SSBP2: variants seen among roughly 807,000 people sequenced by gnomAD.
SSBP2 encodes the protein single stranded DNA binding protein 2, also known as single-stranded DNA-binding protein 2.
Under a neutral mutation model 61.8 loss-of-function variants are expected in SSBP2, and 17 were observed. The ratio of observed to expected loss-of-function variants is 0.28; its 90% CI spans 0.19 to 0.41. The LOEUF is 0.41. Ranked by LOEUF, SSBP2 falls within the 10% of genes least tolerant of loss-of-function variation. The pLI, the probability that SSBP2 is intolerant of heterozygous loss-of-function variation, is 1.00. For synonymous variants in SSBP2, 139 were observed against 141.3 expected (o/e 0.98, Z 0.12); for missense variants, 310 against 458.7 (o/e 0.68, Z 2.96).
At chr5:81,736,108 T>G (rs1756589299) in intron 1 of SSBP2, among the ~76,000 whole-genome samples, 1 of 151,530 alleles carries the variant, frequency 6.6e-6, no homozygotes, top group African/African-American at 2.4e-5. Context: ...TTCTGTAGCC[T>G]CTACCACTTT....
intron 4 of SSBP2, among the ~76,000 whole-genome samples, chr5:81,537,871 A>G (rs553940145): frequency 6.6e-6 from 1 of 152,280 alleles, no homozygotes; most frequent in East Asian, 1.9e-4. Context: ...TATTGAAATT[A>G]TAACGGCCTC....
intron 1 of SSBP2, among the ~76,000 whole-genome samples, chr5:81,689,925 T>A (rs1753083299): frequency 6.6e-6 from 1 of 152,024 alleles, no homozygotes; most frequent in Admixed American, 6.5e-5. Flanking sequence ...CAATAACATA[T>A]AAATAGAAAC....
intron 4 of SSBP2, among the ~76,000 whole-genome samples, chr5:81,515,221 C>T (rs771458011): frequency 1.1e-4 from 16 of 151,940 alleles, no homozygotes; most frequent in Non-Finnish European, 2.2e-4. Flanking sequence ...TAAATAAATA[C>T]GATTACATCC....
chr5:81,617,920 C>G (rs1227535629), intron 3 of SSBP2, among the ~76,000 whole-genome samples: 1 of 136,562 alleles, frequency 7.3e-6, no homozygotes. Flanking sequence ...TTTGTCACCA[C>G]CAGGCCTGCC....
At chr5:81,631,972 A>G (rs1419822591) in intron 3 of SSBP2, among the ~76,000 whole-genome samples, 2 of 152,184 alleles carry the variant, frequency 1.3e-5, no homozygotes, top group Non-Finnish European at 2.9e-5. Flanking sequence ...CTCCACACAC[A>G]CCATGATCAT....
chr5:81,661,171 T>C (rs760879451), intron 1 of SSBP2, among the ~76,000 whole-genome samples: 1 of 152,106 alleles, frequency 6.6e-6, no homozygotes, highest in Non-Finnish European at 1.5e-5. Context: ...CTTTAAAAAA[T>C]TGTTTTTTAA....
intron 1 of SSBP2, among the ~76,000 whole-genome samples, chr5:81,667,952 C>A (rs1751286657): frequency 6.6e-6 from 1 of 151,940 alleles, no homozygotes; most frequent in South Asian, 2.1e-4. Flanking sequence ...GCAAAATGTC[C>A]TAGAACAGTT....
chr5:81,684,902 G>T, intron 1 of SSBP2, among the ~76,000 whole-genome samples: 1 of 151,958 alleles, frequency 6.6e-6, no homozygotes, highest in East Asian at 1.9e-4. Context: ...GATTTGGGAG[G>T]GGCCAGGGGC....
chr5:81,627,648 G>A (rs1163965742), intron 3 of SSBP2, among the ~76,000 whole-genome samples: 1 of 152,138 alleles, frequency 6.6e-6, no homozygotes, highest in African/African-American at 2.4e-5. Context: ...AGAATTCTTA[G>A]AATAATCTTA....
At position 81,742,929 on chromosome 5, in the gene SSBP2, GA is replaced by G. The variant is rs556293503; in HGVS notation, c.62+8051del. Among the ~76,000 whole-genome samples, 127 of 152,038 alleles carry G rather than the reference GA, an allele frequency of 8.4e-4. 1 individual carries two copies. Among genetic ancestry groups the G allele is most frequent in the African/African-American group, 2.9e-3 (120 of 41,500 alleles). ...TGTTATTTATAATAAATATGAAAAA[GA>G]AAAAAGTCTGCTATGAGAGTATCCA... On this transcript the variant is annotated intron_variant, in intron 1 of 16. Coordinates refer to ENST00000320672, the MANE Select transcript of SSBP2 (RefSeq NM_012446.5).
chr5:81,561,490 G>A (rs943244905), intron 4 of SSBP2, among the ~76,000 whole-genome samples: 1 of 151,714 alleles, frequency 6.6e-6, no homozygotes, highest in Non-Finnish European at 1.5e-5. Flanking sequence ...TATGTACCAC[G>A]AACATATATT....
chr5:81,739,164 CAAAAAAAAAA>C (rs71000859), intron 1 of SSBP2, among the ~76,000 whole-genome samples: 62 of 51,106 alleles, frequency 1.2e-3, no homozygotes, highest in African/African-American at 4.1e-3. Context: ...ACTCCATCTC[CAAAAAAAAAA>C]AAAAAAAAAA....
At chr5:81,495,889 TA>T (rs558596027) in intron 5 of SSBP2, among the ~76,000 whole-genome samples, 14 of 151,840 alleles carry the variant, frequency 9.2e-5, no homozygotes, top group East Asian at 1.9e-4. Context: ...CATTAAAAAG[TA>T]AAAAAAACCC....
Position 81,745,740 on chromosome 5 carries a change from A to G in SSBP2, c.62+5241T>C, listed in dbSNP as rs143763169. ...CTTTCAAACTCAGTACTTTTGTCCT[A>G]TGTCCCAGGATTAATGCAATGGTTG... On this transcript the variant is annotated intron_variant, in intron 1 of 16. Transcript: ENST00000320672. Among the ~76,000 whole-genome samples the G allele has an allele frequency of 3.1e-3, 470 of 152,184 alleles. 2 individuals are homozygous for G. The highest frequency in any genetic ancestry group is 0.01 in the African/African-American group (429 of 41,560).
At chr5:81,560,585 T>G (rs1177079244) in intron 4 of SSBP2, among the ~76,000 whole-genome samples, 2 of 152,156 alleles carry the variant, frequency 1.3e-5, no homozygotes, top group Non-Finnish European at 2.9e-5. Flanking sequence ...TTCCTACACC[T>G]TATTCTCTTC....
chr5:81,525,308 T>G (rs147026591), intron 4 of SSBP2, among the ~76,000 whole-genome samples: 22 of 152,064 alleles, frequency 1.4e-4, no homozygotes, highest in African/African-American at 5.3e-4. Context: ...CCAGTAGTTA[T>G]TTTTTCTGAT....
intron 9 of SSBP2, among the ~76,000 whole-genome samples, chr5:81,462,766 A>G (rs1273355814): frequency 6.6e-6 from 1 of 152,196 alleles, no homozygotes; most frequent in Admixed American, 6.5e-5. Flanking sequence ...TTGATGTTAA[A>G]TAAAACACAG....
At chr5:81,718,319 G>A (rs1755310701) in intron 1 of SSBP2, among the ~76,000 whole-genome samples, 1 of 152,012 alleles carries the variant, frequency 6.6e-6, no homozygotes, top group South Asian at 2.1e-4. Context: ...GGAATGAGTA[G>A]ACCCAAAGTG....
chr5:81,742,441 C>A lies in SSBP2; in HGVS notation c.62+8540G>T, dbSNP rs148405395. Among the ~76,000 whole-genome samples, 99 of 152,250 alleles carry A rather than the reference C, an allele frequency of 6.5e-4. 1 individual carries two copies. Among genetic ancestry groups the A allele is most frequent in the Non-Finnish European group, 2.2e-4 (15 of 68,018 alleles). ...GTGACATATTTCCAATTCATTACAT[C>A]CTTAACTCATTTATTCCACAAATAC... On this transcript the variant is annotated intron_variant, in intron 1 of 16. Transcript: ENST00000320672.
Sources: allele counts gnomAD v4.1 joint callset (sites outside exome capture counted in the v4.1 genomes callset), GRCh38; gene constraint gnomAD v4.1.1; transcripts MANE v1.5; gene names NCBI Gene and HGNC (gene_info 2026-07-23, HGNC 2026-07-21).